The following SEMA3C variants were observed in gnomAD, a reference collection of about 807,000 sequenced individuals.
SEMA3C encodes semaphorin-3C.
A neutral mutation model predicts 89.4 loss-of-function variants in SEMA3C; 47 were observed. The ratio of observed to expected loss-of-function variants is 0.53; its 90% CI spans 0.42 to 0.67. The LOEUF (loss-of-function observed/expected upper bound fraction) is 0.67. Among genes scored for constraint, SEMA3C ranks in the 30% least tolerant of loss-of-function variants. SEMA3C has a pLI of 0.00. For missense variants in SEMA3C, 839 were observed against 929.1 expected (o/e 0.90, Z 1.26); for synonymous variants, 310 against 320.2 (o/e 0.97, Z 0.34).
chr7:80,912,565 G>A (rs1481651252), intron 2 of SEMA3C, among the ~76,000 whole-genome samples: 1 of 152,136 alleles, frequency 6.6e-6, no homozygotes, highest in African/African-American at 2.4e-5. Flanking sequence ...GAGAGTAGAA[G>A]GAACTTTTTA....
chr7:80,759,860 A>G (rs1376512127), intron 14 of SEMA3C, among the ~76,000 whole-genome samples: 5 of 152,208 alleles, frequency 3.3e-5, no homozygotes, highest in African/African-American at 1.2e-4. Flanking sequence ...ATTTGAAATA[A>G]ATGTTTATCG....
At chr7:80,795,303 G>C (rs771849012) in intron 11 of SEMA3C, among the ~76,000 whole-genome samples, 1 of 152,088 alleles carries the variant, frequency 6.6e-6, no homozygotes, top group Non-Finnish European at 1.5e-5. Context: ...TCTTCAGGGA[G>C]GTACGCTTTT....
At chr7:80,844,392 C>T (rs1444110259) in intron 2 of SEMA3C, among the ~76,000 whole-genome samples, 1 of 152,002 alleles carries the variant, frequency 6.6e-6, no homozygotes, top group Non-Finnish European at 1.5e-5. Flanking sequence ...AACATTTATC[C>T]TCATTACAGT....
At chr7:80,848,527 C>G (rs539834895) in intron 2 of SEMA3C, among the ~76,000 whole-genome samples, 1 of 152,262 alleles carries the variant, frequency 6.6e-6, no homozygotes, top group African/African-American at 2.4e-5. Flanking sequence ...GCCCCATGTT[C>G]CACCCTGCTA....
intron 2 of SEMA3C, among the ~76,000 whole-genome samples, chr7:80,861,052 T>A (rs1790759300): frequency 6.6e-6 from 1 of 152,166 alleles, no homozygotes; most frequent in Admixed American, 6.6e-5. Context: ...TGATCAAACA[T>A]GAGAAAATGA....
intron 11 of SEMA3C, among the ~76,000 whole-genome samples, chr7:80,797,730 T>C (rs1317731782): frequency 6.6e-6 from 1 of 152,178 alleles, no homozygotes; most frequent in Non-Finnish European, 1.5e-5. Context: ...CCGGGTGCGG[T>C]GGCTCACGCC....
chr7:80,804,466 G>C (rs1174362409), intron 7 of SEMA3C, among the ~76,000 whole-genome samples: 2 of 152,082 alleles, frequency 1.3e-5, no homozygotes, highest in African/African-American at 4.8e-5. Context: ...AAAATTATTT[G>C]TGCACCAATG....
intron 2 of SEMA3C, among the ~76,000 whole-genome samples, chr7:80,871,137 T>C: frequency 6.6e-6 from 1 of 152,314 alleles, no homozygotes; most frequent in Non-Finnish European, 1.5e-5. Context: ...CATTAGCACA[T>C]ATGTATTTAT....
At chr7:80,903,747 T>A (rs1791940440) in intron 2 of SEMA3C, among the ~76,000 whole-genome samples, 1 of 152,212 alleles carries the variant, frequency 6.6e-6, no homozygotes, top group Non-Finnish European at 1.5e-5. Flanking sequence ...TACATTAGTG[T>A]GTTAAGTATC....
intron 15 of SEMA3C, among the ~76,000 whole-genome samples, chr7:80,757,693 G>A (rs796213098): frequency 6.6e-5 from 10 of 152,250 alleles, no homozygotes; most frequent in African/African-American, 1.9e-4. Flanking sequence ...AAAGACGGCC[G>A]GGAGCGGTGG....
chr7:80,825,448 A>T (rs112312382), intron 4 of SEMA3C, among the ~76,000 whole-genome samples: 2,047 of 152,324 alleles, frequency 0.013, 48 homozygotes, highest in African/African-American at 0.046. Flanking sequence ...AAATTACAGC[A>T]TGACAAAACT....
Position 80,758,504 on chromosome 7 carries a change from T to C in SEMA3C, c.1486-16A>G. The C allele has an allele frequency of 6.2e-7, 1 of 1,612,026 alleles. No individual in the cohort carries two copies. The highest frequency in any genetic ancestry group is 8.5e-7 in the Non-Finnish European group (1 of 1,178,334). ...ACAACTGTTGCTATTAAAGGAATGATGATGATTTATTTCAGATGTGGAAGT... is the reference window on the plus strand; with the variant it reads ...ACAACTGTTGCTATTAAAGGAATGACGATGATTTATTTCAGATGTGGAAGT... On this transcript the variant is annotated splice_polypyrimidine_tract_variant and intron_variant, in intron 14 of 17. Coordinates refer to ENST00000265361, the MANE Select transcript of SEMA3C (RefSeq NM_006379.5).
At chr7:80,754,632 G>C (rs1246887137) in intron 15 of SEMA3C, among the ~76,000 whole-genome samples, 1 of 152,148 alleles carries the variant, frequency 6.6e-6, no homozygotes, top group Non-Finnish European at 1.5e-5. Flanking sequence ...TGTAAATACC[G>C]TAGATATTTT....
At chr7:80,917,923 A>G (rs1792315691) in intron 1 of SEMA3C, among the ~76,000 whole-genome samples, 1 of 152,240 alleles carries the variant, frequency 6.6e-6, no homozygotes. Flanking sequence ...GAATAAAAAG[A>G]ATTAAATGGA....
intron 15 of SEMA3C, among the ~76,000 whole-genome samples, chr7:80,756,245 C>A (rs1461905189): frequency 6.6e-6 from 1 of 152,176 alleles, no homozygotes; most frequent in Non-Finnish European, 1.5e-5. Flanking sequence ...CAACTTGGAT[C>A]ATTTTTGACT....
At chr7:80,804,394 T>C in intron 7 of SEMA3C, 146 bp from the exon 8 acceptor site, 1 of 477,118 alleles carries the variant, frequency 2.1e-6, no homozygotes. Context: ...AAAGCAGTAA[T>C]TGCATTCACA....
chr7:80,801,123 C>A (rs1228324534), intron 9 of SEMA3C, among the ~76,000 whole-genome samples: 1 of 151,814 alleles, frequency 6.6e-6, no homozygotes, highest in Non-Finnish European at 1.5e-5. Context: ...ACCATATTAA[C>A]CTTAAAAATA....
At position 80,745,246 on chromosome 7, in the gene SEMA3C, C is replaced by T. The variant is rs1344770197; in HGVS notation, c.1904G>A (p.Gly635Asp). Reference sequence around the variant, plus strand: ...GCAGTGATAAAGTCCTTGGTCAGAACCCTGAACAGAGCGGATCAGGAGTCC... The same window carrying T: ...GCAGTGATAAAGTCCTTGGTCAGAATCCTGAACAGAGCGGATCAGGAGTCC... ...SQGLLIRSVQGSDQGLYHCIA... is the reference protein window; with the variant it reads ...SQGLLIRSVQDSDQGLYHCIA... Residue 635 changes from glycine (G) to aspartate (D), a missense_variant, in exon 18 of 18, where the codon GGT (glycine) becomes GAT (aspartate). Transcript: ENST00000265361. 6.2e-7 allele frequency: 1 copy of T among 1,613,864 alleles called. No homozygotes were observed. The highest frequency in any genetic ancestry group is 8.5e-7 in the Non-Finnish European group (1 of 1,179,950).
chr7:80,782,494 AT>A (rs1475658764), intron 12 of SEMA3C, among the ~76,000 whole-genome samples: 6 of 152,240 alleles, frequency 3.9e-5, no homozygotes, highest in Non-Finnish European at 8.8e-5. Flanking sequence ...TATAAATGAA[AT>A]GAACTTCATT....
Sources: allele counts gnomAD v4.1 joint callset (sites outside exome capture counted in the v4.1 genomes callset), GRCh38; gene constraint gnomAD v4.1.1; transcripts MANE v1.5; gene names NCBI Gene and HGNC (gene_info 2026-07-23, HGNC 2026-07-21).